EIF3J: variants seen among roughly 807,000 people sequenced by gnomAD.
EIF3J encodes the protein eukaryotic translation initiation factor 3 subunit J.
In EIF3J, 15 loss-of-function variants were observed where a neutral mutation model predicts 39.0. The ratio of observed to expected loss-of-function variants is 0.38; its 90% CI spans 0.26 to 0.59. The LOEUF is 0.59. EIF3J is among the 20% of genes least tolerant of loss of function. EIF3J has a pLI of 0.60. For synonymous variants in EIF3J, 98 were observed against 112.9 expected, an observed-to-expected ratio of 0.87 and a Z score of 0.84; for missense variants, 226 against 308.6, an observed-to-expected ratio of 0.73 and a Z score of 2.00.
intron 4 of EIF3J, 115 bp from the exon 5 acceptor site, chr15:44,554,438 C>T: frequency 5.1e-6 from 2 of 390,860 alleles, no homozygotes; most frequent in Non-Finnish European, 9.3e-6. Flanking sequence ...CAGTAATTAC[C>T]AGTGTTCACT....
At position 44,543,459 on chromosome 15, in the gene EIF3J, G is replaced by T. The variant is rs117672698; in HGVS notation, c.147+6032G>T. Among the ~76,000 whole-genome samples, 26 of 150,464 alleles carry T rather than the reference G, an allele frequency of 1.7e-4. No individual in the cohort carries two copies. In the East Asian group the frequency reaches 3.5e-3, roughly 20 times the overall value. ...TGAGATGGAGTTTCGCTGTCTCCAG[G>T]CTGGAGGGCAGTGGCGCAGTCTCGG... On this transcript the variant is annotated intron_variant, in intron 2 of 7. Transcript: ENST00000261868.
intron 6 of EIF3J, chr15:44,559,052 G>T (rs12905495): frequency 6.6e-6 from 1 of 152,020 alleles, no homozygotes; most frequent in African/African-American, 2.4e-5. Context: ...TGTAGTTCCC[G>T]TGCAAGAAAA....
intron 2 of EIF3J, among the ~76,000 whole-genome samples, chr15:44,538,072 G>A (rs889218345): frequency 6.6e-6 from 1 of 152,144 alleles, no homozygotes; most frequent in Non-Finnish European, 1.5e-5. Context: ...ACCGTGACCT[G>A]AGAAATGGAG....
chr15:44,560,473 T>C, intron 7 of EIF3J, 151 bp downstream of exon 7: 2 of 638,306 alleles, frequency 3.1e-6, no homozygotes, highest in South Asian at 2.5e-5. Context: ...GTATGGGTGC[T>C]ATTACTGTCC....
At chr15:44,556,016 C>T (rs2082141781) in intron 5 of EIF3J, among the ~76,000 whole-genome samples, 1 of 151,974 alleles carries the variant, frequency 6.6e-6, no homozygotes, top group African/African-American at 2.4e-5. Flanking sequence ...GCCACCACGC[C>T]TGGGTAATTT....
intron 6 of EIF3J, among the ~76,000 whole-genome samples, chr15:44,559,704 C>G (rs1427312223): frequency 7.0e-6 from 1 of 141,990 alleles, no homozygotes; most frequent in African/African-American, 2.8e-5. Flanking sequence ...GAGACTCCAT[C>G]TCAAAAAAAA....
intron 2 of EIF3J, among the ~76,000 whole-genome samples, chr15:44,541,655 A>G (rs1176613218): frequency 1.3e-5 from 2 of 152,260 alleles, no homozygotes; most frequent in African/African-American, 2.4e-5. Flanking sequence ...AACAACTTCT[A>G]AAGAACAGGA....
chr15:44,544,345 A>AC (rs922316981), intron 2 of EIF3J, among the ~76,000 whole-genome samples: 5 of 150,262 alleles, frequency 3.3e-5, no homozygotes, highest in African/African-American at 1.2e-4. Flanking sequence ...TATTCCACCC[A>AC]CCTTGGCCTT....
intron 7 of EIF3J, among the ~76,000 whole-genome samples, chr15:44,560,768 C>T (rs554933031): frequency 3.3e-5 from 5 of 152,292 alleles, no homozygotes; most frequent in East Asian, 1.9e-4. Context: ...TTAAGGCTGT[C>T]TACCAATAAC....
chr15:44,559,583 T>C (rs966122711), intron 6 of EIF3J, among the ~76,000 whole-genome samples: 1 of 151,620 alleles, frequency 6.6e-6, no homozygotes, highest in Admixed American at 6.6e-5. Flanking sequence ...GGCGGGCGCC[T>C]GTAGTCCCAG....
chr15:44,538,717 A>T (rs1413391582), intron 2 of EIF3J, among the ~76,000 whole-genome samples: 1 of 152,230 alleles, frequency 6.6e-6, no homozygotes, highest in African/African-American at 2.4e-5. Flanking sequence ...TTGTAGAAAC[A>T]TGGGACTAGA....
At chr15:44,556,374 C>T (rs1001188934) in intron 5 of EIF3J, among the ~76,000 whole-genome samples, 1 of 152,058 alleles carries the variant, frequency 6.6e-6, no homozygotes, top group Non-Finnish European at 1.5e-5. Flanking sequence ...AAGGTTCTTG[C>T]TCAGTCATCC....
chr15:44,556,802 G>A (rs1476420353), intron 5 of EIF3J, among the ~76,000 whole-genome samples: 4 of 151,968 alleles, frequency 2.6e-5, no homozygotes, highest in Non-Finnish European at 5.9e-5. Context: ...GTTAGCCACT[G>A]CGTCTGGCCA....
intron 2 of EIF3J, among the ~76,000 whole-genome samples, chr15:44,540,261 ATATATAT>A (rs1209543514): frequency 1.5e-3 from 84 of 57,838 alleles, no homozygotes; most frequent in East Asian, 9.5e-3. Flanking sequence ...ATATATATAT[ATATATAT>A]TTTTTTTTTT....
chr15:44,553,446 C>T (rs1191982653), intron 4 of EIF3J, among the ~76,000 whole-genome samples: 2 of 150,992 alleles, frequency 1.3e-5, no homozygotes, highest in African/African-American at 2.4e-5. Context: ...GAGCGGAGAT[C>T]GCACCACTGC....
intron 4 of EIF3J, among the ~76,000 whole-genome samples, chr15:44,553,140 T>G (rs1251962245): frequency 6.6e-6 from 1 of 150,858 alleles, no homozygotes; most frequent in East Asian, 2.0e-4. Flanking sequence ...GAGCCATGAC[T>G]GCGCCACTAC....
intron 4 of EIF3J, among the ~76,000 whole-genome samples, chr15:44,551,935 T>C (rs1034044073): frequency 1.3e-5 from 2 of 150,910 alleles, no homozygotes; most frequent in Admixed American, 1.3e-4. Context: ...ATTCAAGCCA[T>C]TCCCCTGCCT....
chr15:44,560,432 C>CT (rs2082182298), intron 7 of EIF3J, 110 bp downstream of exon 7: 1 of 984,290 alleles, frequency 1.0e-6, no homozygotes, highest in Non-Finnish European at 1.5e-6. Context: ...AAGCAACTCA[C>CT]TAATACCATT....
intron 2 of EIF3J, among the ~76,000 whole-genome samples, chr15:44,545,454 ACT>A (rs1052001118): frequency 2.0e-5 from 3 of 151,946 alleles, no homozygotes; most frequent in African/African-American, 7.2e-5. Flanking sequence ...AGTGAATTGA[ACT>A]CTACTAAACC....
Sources: gnomAD v4.1 joint callset for allele counts (sites outside exome capture counted in the v4.1 genomes callset) on GRCh38, gnomAD v4.1.1 for gene constraint, MANE v1.5 for transcripts, NCBI Gene and HGNC (gene_info 2026-07-23, HGNC 2026-07-21) for gene names.